THSD7A: variants seen among roughly 807,000 people sequenced by gnomAD.
THSD7A encodes the protein thrombospondin type 1 domain containing 7A.
A neutral mutation model predicts 231.3 loss-of-function variants in THSD7A; 96 were observed. The observed-to-expected ratio is 0.41, with a 90% CI of 0.35 to 0.49. THSD7A has a LOEUF of 0.49. Among genes scored for constraint, THSD7A ranks in the 20% least tolerant of loss-of-function variants. The pLI, the probability that THSD7A is intolerant of heterozygous loss-of-function variation, is 0.05. For synonymous variants in THSD7A, 940 were observed against 743.3 expected (o/e 1.26, Z -4.30); for missense variants, 2,290 against 2,070.2 (o/e 1.11, Z -2.06).
At chr7:11,571,902 T>A (rs1437618129) in intron 4 of THSD7A, among the ~76,000 whole-genome samples, 1 of 152,308 alleles carries the variant, frequency 6.6e-6, no homozygotes, top group African/African-American at 2.4e-5. Flanking sequence ...TTTATTCTGC[T>A]GGTGGTTTGC....
chr7:11,798,170 T>C (rs187241851), intron 1 of THSD7A, among the ~76,000 whole-genome samples: 17 of 152,206 alleles, frequency 1.1e-4, no homozygotes, highest in African/African-American at 3.9e-4. Context: ...ATCTTCTTAC[T>C]ACTATCATAC....
At chr7:11,449,172 G>C (rs1231755903) in intron 11 of THSD7A, among the ~76,000 whole-genome samples, 1 of 151,960 alleles carries the variant, frequency 6.6e-6, no homozygotes, top group African/African-American at 2.4e-5. Flanking sequence ...GGGGTCCTGG[G>C]ATTTAGGATA....
chr7:11,475,138 G>C (rs150905681), intron 7 of THSD7A, among the ~76,000 whole-genome samples: 1 of 152,268 alleles, frequency 6.6e-6, no homozygotes, highest in Non-Finnish European at 1.5e-5. Flanking sequence ...TTGGCAACAA[G>C]AATAAGAAAG....
At chr7:11,715,550 CTTCT>C (rs1352247590) in intron 1 of THSD7A, among the ~76,000 whole-genome samples, 1 of 151,112 alleles carries the variant, frequency 6.6e-6, no homozygotes, top group Admixed American at 6.6e-5. Flanking sequence ...TTTTTCTTTC[CTTCT>C]TTCTGTCTCT....
intron 19 of THSD7A, among the ~76,000 whole-genome samples, chr7:11,409,468 TA>T (rs1783707083): frequency 6.6e-6 from 1 of 152,246 alleles, no homozygotes; most frequent in Non-Finnish European, 1.5e-5. Flanking sequence ...TAGGCTCCCA[TA>T]TAATTAAAAT....
chr7:11,455,364 A>G (rs1336560005), intron 11 of THSD7A, among the ~76,000 whole-genome samples: 3 of 152,086 alleles, frequency 2.0e-5, no homozygotes, highest in African/African-American at 7.2e-5. Context: ...GTTTTAGAAA[A>G]GATTTCTAAT....
chr7:11,451,911 G>A (rs1013121940), intron 11 of THSD7A, among the ~76,000 whole-genome samples: 3 of 152,164 alleles, frequency 2.0e-5, no homozygotes, highest in East Asian at 1.9e-4. Context: ...CCTTCAGCGT[G>A]TAAGGCCATG....
rs1463331032 is a variant in THSD7A, at chr7:11,444,298, G to C, written c.3064+1763C>G. Among the ~76,000 whole-genome samples the C allele has an allele frequency of 6.6e-6, 1 of 152,054 alleles. No individual in the cohort carries two copies. Among genetic ancestry groups the C allele is most frequent in the Non-Finnish European group, 1.5e-5 (1 of 68,028 alleles). On this transcript the variant is annotated intron_variant, in intron 13 of 27. Transcript: ENST00000423059. The surrounding 1 kb of genome is among the most constrained non-coding windows in gnomAD (Gnocchi z 4.2). ...CATTTGACCCAGCAATCCCATTACTGGGTATATACCCGAAGGATTATAAAT... is the reference window on the plus strand; with the variant it reads ...CATTTGACCCAGCAATCCCATTACTCGGTATATACCCGAAGGATTATAAAT...
At chr7:11,776,790 C>G (rs879926272) in intron 1 of THSD7A, among the ~76,000 whole-genome samples, 1 of 152,032 alleles carries the variant, frequency 6.6e-6, no homozygotes, top group Non-Finnish European at 1.5e-5. Context: ...TATGAAAAAC[C>G]TAACATTGAA....
At chr7:11,557,514 A>C (rs1195168408) in intron 4 of THSD7A, among the ~76,000 whole-genome samples, 5 of 151,898 alleles carry the variant, frequency 3.3e-5, no homozygotes, top group Non-Finnish European at 5.9e-5. Context: ...TGGCATAAGG[A>C]GTGACTTTGA....
intron 6 of THSD7A, among the ~76,000 whole-genome samples, chr7:11,536,105 A>G (rs958507564): frequency 6.6e-5 from 10 of 152,202 alleles, no homozygotes; most frequent in African/African-American, 2.4e-4. Context: ...GGGAGTCTTC[A>G]GGTTTTCCAG....
chr7:11,678,625 C>A (rs2128138185), intron 1 of THSD7A, among the ~76,000 whole-genome samples: 1 of 152,236 alleles, frequency 6.6e-6, no homozygotes, highest in South Asian at 2.1e-4. Flanking sequence ...TAGACACATA[C>A]ACCCTCCCAA....
intron 16 of THSD7A, among the ~76,000 whole-genome samples, chr7:11,423,887 T>C (rs1784233373): frequency 6.6e-6 from 1 of 152,212 alleles, no homozygotes. Flanking sequence ...TATGGAAAAT[T>C]TAACGAGTAT....
chr7:11,818,021 C>T (rs1483633664), intron 1 of THSD7A, among the ~76,000 whole-genome samples: 1 of 152,104 alleles, frequency 6.6e-6, no homozygotes, highest in South Asian at 2.1e-4. Context: ...ACCTCTGTAA[C>T]GTTTATAGTC....
At position 11,817,351 on chromosome 7, in the gene THSD7A, C is replaced by A. The variant is rs77112816; in HGVS notation, c.190+14406G>T. Among the ~76,000 whole-genome samples, 1,260 of 152,302 alleles carry A rather than the reference C, an allele frequency of 8.3e-3. 13 individuals carry two copies. The highest frequency in any genetic ancestry group is 0.029 in the African/African-American group (1,212 of 41,544). ...TTAGAGACTCCAACCTCCAGCATTG[C>A]CTGCATGGCTAAGATATGCACAATC... On this transcript the variant is annotated intron_variant, in intron 1 of 27. Coordinates refer to ENST00000423059, the MANE Select transcript of THSD7A (RefSeq NM_015204.3).
At chr7:11,673,388 G>A (rs1211573906) in intron 1 of THSD7A, among the ~76,000 whole-genome samples, 2 of 152,094 alleles carry the variant, frequency 1.3e-5, no homozygotes, top group Non-Finnish European at 2.9e-5. Flanking sequence ...TGCAACTATA[G>A]CAAAACACAA....
chr7:11,676,828 A>T (rs781493332), intron 1 of THSD7A, among the ~76,000 whole-genome samples: 4 of 152,186 alleles, frequency 2.6e-5, no homozygotes, highest in Admixed American at 6.5e-5. Context: ...GAATGGAACC[A>T]AGTTGGAAAA....
intron 1 of THSD7A, among the ~76,000 whole-genome samples, chr7:11,709,184 T>G (rs565008367): frequency 6.6e-6 from 1 of 150,922 alleles, no homozygotes; most frequent in African/African-American, 2.4e-5. Flanking sequence ...GGTCTGGCTT[T>G]GTTGTGAGCT....
intron 1 of THSD7A, chr7:11,821,084 G>T: frequency 1.0e-6 from 1 of 999,764 alleles, no homozygotes; most frequent in Non-Finnish European, 1.6e-6. Context: ...TGCGGGAAAT[G>T]TCTATTGTCC....
Sources: allele counts gnomAD v4.1 joint callset (sites outside exome capture counted in the v4.1 genomes callset), GRCh38; gene constraint gnomAD v4.1.1; non-coding constraint Gnocchi (gnomAD v3.1); transcripts MANE v1.5; gene names NCBI Gene and HGNC (gene_info 2026-07-23, HGNC 2026-07-21).